GABBR2: variants seen among roughly 807,000 people sequenced by gnomAD.
GABBR2 encodes gamma-aminobutyric acid type B receptor subunit 2.
GABBR2 carries 23 observed loss-of-function variants against 105.6 expected under a neutral mutation model. That is an observed-to-expected ratio of 0.22 (90% CI 0.16 to 0.31). The LOEUF is 0.31. Among genes scored for constraint, GABBR2 ranks in the 10% least tolerant of loss-of-function variants. The probability of loss-of-function intolerance (pLI) is 1.00; values close to 1 mark genes in which losing one functional copy is unlikely to be tolerated. For missense variants in GABBR2, 734 were observed against 1,245.5 expected, an observed-to-expected ratio of 0.59 and a Z score of 6.18; for synonymous variants, 478 against 499.7, an observed-to-expected ratio of 0.96 and a Z score of 0.58.
In GABBR2 at chr9:98,708,660, T is replaced by C. The variant is rs923485543; in HGVS notation, c.78A>G (p.Leu26=). ...PPPPPARLLL[L]LLLPLLLPLA... is the part of the protein sequence containing the mutation. ...GAGGCAGCAGCAGCGGCAGCAGCAGTAGCAGTAGCAGGCGCGCGGGCGGCG... is the reference window on the plus strand; with the variant it reads ...GAGGCAGCAGCAGCGGCAGCAGCAGCAGCAGTAGCAGGCGCGCGGGCGGCG... Residue 26 remains leucine, a synonymous_variant, in exon 1 of 19, where the codon CTA becomes CTG. Coordinates refer to ENST00000259455, the MANE Select transcript of GABBR2 (RefSeq NM_005458.8). The C allele has an allele frequency of 8.4e-6, 10 of 1,196,606 alleles. No individual in the cohort carries two copies. In the East Asian group the frequency reaches 1.0e-4, roughly 12 times the overall value. The allele number at this position is 1,196,606 out of a possible 1,614,324, so 74.1% of individuals were successfully genotyped here.
At chr9:98,402,650 T>C (rs1020961153) in intron 8 of GABBR2, among the ~76,000 whole-genome samples, 1 of 152,126 alleles carries the variant, frequency 6.6e-6, no homozygotes, top group African/African-American at 2.4e-5. Flanking sequence ...GGTTTCTTTG[T>C]GGGCAACCGA....
chr9:98,460,014 T>A (rs1826395283), intron 6 of GABBR2, among the ~76,000 whole-genome samples: 1 of 152,190 alleles, frequency 6.6e-6, no homozygotes, highest in East Asian at 1.9e-4. Context: ...ATAATTGTTT[T>A]AAAAGAAAAG....
Position 98,708,687 on chromosome 9 carries a change from TGGCGGCGGCGGCGGC to T in GABBR2, c.36_50del (p.Pro16_Pro20del). On this transcript the variant is annotated inframe_deletion, in exon 1 of 19. Transcript: ENST00000259455. ...GCAGTAGCAGGCGCGCGGGCGGCGG[TGGCGGCGGCGGCGGC>T]GGCCCGGGCTGCCCGGAGCTCCGCG... is the stretch of plus-strand genomic sequence containing the variant. 1 of 1,066,030 alleles carries T rather than the reference TGGCGGCGGCGGCGGC, an allele frequency of 9.4e-7. No individual in the cohort carries two copies. Among genetic ancestry groups the T allele is most frequent in the Non-Finnish European group, 1.1e-6 (1 of 883,646 alleles). 66.0% of individuals were successfully genotyped at this position (1,066,030 alleles called of 1,614,324 possible).
rs1251454816 is a variant in GABBR2 at position 98,491,362 on chromosome 9, G to A, written c.732+5051C>T. Among the ~76,000 whole-genome samples, 4 of 152,100 alleles carry A rather than the reference G, an allele frequency of 2.6e-5. 1 individual carries two copies. The highest frequency in any genetic ancestry group is 4.2e-4 in the South Asian group (2 of 4,814). On this transcript the variant is annotated intron_variant, in intron 4 of 18. Transcript: ENST00000259455. ...TATCTGATGTAAATAGCTAGAGTTC[G>A]TTTTTTGAAACACAATCTGAAAGTC...
chr9:98,337,955 G>A (rs1175220232), intron 13 of GABBR2, among the ~76,000 whole-genome samples: 2 of 152,182 alleles, frequency 1.3e-5, no homozygotes, highest in African/African-American at 4.8e-5. Flanking sequence ...CTGGGAGGAG[G>A]AGTTTGCAGT....
intron 6 of GABBR2, among the ~76,000 whole-genome samples, chr9:98,464,719 C>T (rs1826509578): frequency 6.6e-6 from 1 of 152,106 alleles, no homozygotes; most frequent in South Asian, 2.1e-4. Flanking sequence ...CAGATTGTTA[C>T]TGTGTCTGTG....
At chr9:98,658,203 G>T (rs954567753) in intron 1 of GABBR2, among the ~76,000 whole-genome samples, 2 of 152,156 alleles carry the variant, frequency 1.3e-5, no homozygotes, top group African/African-American at 4.8e-5. Flanking sequence ...AAAACCCAAG[G>T]TCTACCACCA....
intron 1 of GABBR2, chr9:98,607,327 C>T: frequency 1.3e-6 from 1 of 775,054 alleles, no homozygotes; most frequent in Non-Finnish European, 2.4e-6. Context: ...CTTCATTGCT[C>T]CTTCAGGACA....
chr9:98,572,833 A>G (rs1172893828), intron 2 of GABBR2, among the ~76,000 whole-genome samples: 1 of 152,104 alleles, frequency 6.6e-6, no homozygotes, highest in Non-Finnish European at 1.5e-5. Context: ...GAGAAGTCCA[A>G]ACTGTTGAGT....
At chr9:98,690,616 G>C (rs61170647) in intron 1 of GABBR2, among the ~76,000 whole-genome samples, 2 of 152,030 alleles carry the variant, frequency 1.3e-5, no homozygotes, top group Admixed American at 1.3e-4. Context: ...CTGCATCTCA[G>C]CTGGGAACCA....
intron 4 of GABBR2, among the ~76,000 whole-genome samples, chr9:98,484,616 C>T (rs1340755787): frequency 6.6e-6 from 1 of 152,130 alleles, no homozygotes; most frequent in African/African-American, 2.4e-5. Context: ...GCAGTATAAA[C>T]AGTTTGAGGT....
At chr9:98,432,728 G>A (rs1392915569) in intron 7 of GABBR2, among the ~76,000 whole-genome samples, 1 of 152,144 alleles carries the variant, frequency 6.6e-6, no homozygotes, top group Non-Finnish European at 1.5e-5. Context: ...CCCGAGTCCT[G>A]AGCACTCTGA....
chr9:98,671,606 C>A (rs1830407989), intron 1 of GABBR2, among the ~76,000 whole-genome samples: 1 of 152,200 alleles, frequency 6.6e-6, no homozygotes, highest in South Asian at 2.1e-4. Context: ...TACATTCCCA[C>A]ATGGAATGAA....
chr9:98,635,132 A>G (rs1378326437), intron 1 of GABBR2, among the ~76,000 whole-genome samples: 1 of 152,232 alleles, frequency 6.6e-6, no homozygotes, highest in African/African-American at 2.4e-5. Context: ...GAATATGCAA[A>G]TGATCTTATC....
chr9:98,516,018 G>C (rs1438753145), intron 3 of GABBR2: 1 of 152,528 alleles, frequency 6.6e-6, no homozygotes, highest in Non-Finnish European at 1.5e-5. Context: ...TGCAGGGAGA[G>C]GACCCAGTGA....
chr9:98,607,511 A>G (rs1829445363), intron 1 of GABBR2: 1 of 592,610 alleles, frequency 1.7e-6, no homozygotes, highest in Non-Finnish European at 3.0e-6. Context: ...TAGAAACATA[A>G]TAAAGAAGAA....
chr9:98,339,954 C>T (rs904967480), intron 13 of GABBR2, among the ~76,000 whole-genome samples: 5 of 152,068 alleles, frequency 3.3e-5, no homozygotes, highest in African/African-American at 7.2e-5. Context: ...TCACTGAACT[C>T]GGGCATGGAC....
At chr9:98,293,729 G>A in intron 18 of GABBR2, 56 bp downstream of exon 18, 2 of 969,890 alleles carry the variant, frequency 2.1e-6, no homozygotes, top group Non-Finnish European at 3.3e-6. Context: ...GCAAACTCTT[G>A]TGCAGGAGTG....
chr9:98,539,640 C>T (rs1021864290), intron 3 of GABBR2, among the ~76,000 whole-genome samples: 17 of 152,034 alleles, frequency 1.1e-4, no homozygotes, highest in South Asian at 4.1e-4. Context: ...CAGGTCTGGC[C>T]GGGCCCGGTG....
Sources: gnomAD v4.1 joint callset for allele counts (sites outside exome capture counted in the v4.1 genomes callset) on GRCh38, gnomAD v4.1.1 for gene constraint, MANE v1.5 for transcripts, NCBI Gene and HGNC (gene_info 2026-07-23, HGNC 2026-07-21) for gene names.